Variants in RBFOX1 observed in about 807,000 individuals in gnomAD.
RBFOX1 encodes RNA binding protein fox-1 homolog 1.
RBFOX1 carries 8 observed loss-of-function variants against 57.7 expected under a neutral mutation model. The ratio of observed to expected loss-of-function variants is 0.14; its 90% CI spans 0.08 to 0.25. RBFOX1 has a LOEUF of 0.25. RBFOX1 is among the 10% of genes least tolerant of loss of function. The pLI is 1.00. For missense variants in RBFOX1, 611 were observed against 548.5 expected, an observed-to-expected ratio of 1.11 and a Z score of -1.14; for synonymous variants, 326 against 222.4, an observed-to-expected ratio of 1.47 and a Z score of -4.15.
intron 3 of RBFOX1, among the ~76,000 whole-genome samples, chr16:6,707,601 A>C (rs1203236345): frequency 1.3e-5 from 2 of 151,442 alleles, no homozygotes; most frequent in Non-Finnish European, 2.9e-5. Context: ...CAATGGACAT[A>C]CTGAATTGAA....
intron 4 of RBFOX1, among the ~76,000 whole-genome samples, chr16:7,456,296 C>G (rs546352088): frequency 3.9e-5 from 6 of 152,332 alleles, no homozygotes; most frequent in East Asian, 1.9e-4. Context: ...CAGAAGGTAC[C>G]TGGTTCATTC....
intron 3 of RBFOX1, among the ~76,000 whole-genome samples, chr16:6,690,767 T>TC (rs2060096771): frequency 6.6e-6 from 1 of 151,138 alleles, no homozygotes; most frequent in Admixed American, 6.6e-5. Context: ...TCTTTTTTTT[T>TC]TTTTTTAACT....
At position 6,939,670 on chromosome 16, in the gene RBFOX1, C is replaced by G. The variant is rs140744369; in HGVS notation, c.-15-112387C>G. ...GCGATTACAGCCGTGTGCTACCATA[C>G]CCAGCTAATTTTTGTATCTTTGGTA... On this transcript the variant is annotated intron_variant, in intron 3 of 15. Transcript: ENST00000550418. Among the ~76,000 whole-genome samples the G allele has an allele frequency of 3.2e-3, 494 of 152,040 alleles. 3 individuals carry two copies. The highest frequency in any genetic ancestry group is 0.011 in the African/African-American group (464 of 41,476).
intron 3 of RBFOX1, chr16:6,775,771 C>A (rs1273284795): frequency 6.6e-6 from 1 of 152,142 alleles, no homozygotes; most frequent in Admixed American, 6.5e-5. Flanking sequence ...GAGGAAGGAA[C>A]AAGCATGTGA....
At chr16:7,307,225 T>C (rs1385948880) in intron 4 of RBFOX1, among the ~76,000 whole-genome samples, 1 of 152,244 alleles carries the variant, frequency 6.6e-6, no homozygotes, top group East Asian at 1.9e-4. Flanking sequence ...CCCTGAAGTA[T>C]ATTTTTCTGG....
At chr16:6,423,860 G>T (rs2093844889) in intron 2 of RBFOX1, among the ~76,000 whole-genome samples, 1 of 152,124 alleles carries the variant, frequency 6.6e-6, no homozygotes, top group African/African-American at 2.4e-5. Flanking sequence ...GATCCACCCT[G>T]AATCCTAGTA....
intron 3 of RBFOX1, among the ~76,000 whole-genome samples, chr16:5,846,736 G>A (rs2056766918): frequency 6.6e-6 from 1 of 152,178 alleles, no homozygotes; most frequent in African/African-American, 2.4e-5. Flanking sequence ...AGCCAAGAAT[G>A]CTCCACTTCA....
intron 3 of RBFOX1, among the ~76,000 whole-genome samples, chr16:6,866,539 C>CTTTTTTTTTTTTTTTTTTTT (rs1161474639): frequency 2.0e-5 from 1 of 49,084 alleles, no homozygotes; most frequent in Non-Finnish European, 3.6e-5. Flanking sequence ...TTCTTTCCTT[C>CTTTTTTTTTTTTTTTTTTTT]TATTTTTTTT....
rs554083969 is a variant in RBFOX1, at chr16:7,063,198, G to C, written c.27+11100G>C. Among the ~76,000 whole-genome samples the C allele has an allele frequency of 3.9e-5, 6 of 152,032 alleles. No homozygotes were observed. In the East Asian group the frequency reaches 9.7e-4, roughly 25 times the overall value. ...TACCTGAATTTGTACATCTTTTTGG[G>C]TCAGTTCTCAGTCATCAAGAGCAGG... On this transcript the variant is annotated intron_variant, in intron 4 of 15. Coordinates refer to ENST00000550418, the MANE Select transcript of RBFOX1 (RefSeq NM_018723.4).
chr16:6,131,401 A>G (rs888529764), intron 1 of RBFOX1, among the ~76,000 whole-genome samples: 2 of 151,970 alleles, frequency 1.3e-5, no homozygotes, highest in African/African-American at 4.9e-5. Flanking sequence ...GATAGAGACT[A>G]TGGCAGAAAA....
intron 1 of RBFOX1, among the ~76,000 whole-genome samples, chr16:6,025,298 T>C (rs1283591020): frequency 2.0e-5 from 3 of 152,222 alleles, no homozygotes; most frequent in Non-Finnish European, 1.5e-5. Context: ...TTAAACTCGA[T>C]TCCCCACCAC....
At position 5,939,801 on chromosome 16, in the gene RBFOX1, T is replaced by TC. The variant is rs1482473614; in HGVS notation, c.351+72467dup. ...AATTGAAATGTTTAAGGAGATTTTT[T>TC]CATAAAGCCACAGCCATACCCTGAC... On this transcript the variant is annotated intron_variant, in intron 4 of 19. Transcript: ENST00000641259. Among the ~76,000 whole-genome samples the TC allele has an allele frequency of 3.3e-5, 5 of 152,312 alleles. No individual in the cohort carries two copies. In the East Asian group the frequency reaches 9.7e-4, roughly 29 times the overall value.
intron 4 of RBFOX1, among the ~76,000 whole-genome samples, chr16:7,292,507 AAAAT>A (rs1334956315): frequency 5.4e-5 from 7 of 130,070 alleles, no homozygotes; most frequent in African/African-American, 8.2e-5. Context: ...TATTATATAT[AAAAT>A]ATATATAATA....
chr16:5,830,468 T>C (rs1034757338), intron 3 of RBFOX1, among the ~76,000 whole-genome samples: 3 of 151,670 alleles, frequency 2.0e-5, no homozygotes, highest in South Asian at 2.1e-4. Context: ...GGAAAGAGGA[T>C]TGTATAGAGG....
At chr16:7,505,242 C>CAAAAAAAAA (rs34767987) in intron 4 of RBFOX1, among the ~76,000 whole-genome samples, 198 of 114,046 alleles carry the variant, frequency 1.7e-3, no homozygotes, top group African/African-American at 5.6e-3. Flanking sequence ...AGTGATGGAC[C>CAAAAAAAAA]AAAAAAAAAA....
chr16:5,753,839 G>C (rs550052048), intron 3 of RBFOX1, among the ~76,000 whole-genome samples: 1 of 151,632 alleles, frequency 6.6e-6, no homozygotes. Flanking sequence ...GCTGTGTTGA[G>C]GATATAGAGT....
chr16:6,031,185 C>G (rs2095283551), intron 1 of RBFOX1, among the ~76,000 whole-genome samples: 1 of 152,090 alleles, frequency 6.6e-6, no homozygotes, highest in African/African-American at 2.4e-5. Context: ...TGAGAAGGGC[C>G]AAGCTGTGAC....
At chr16:5,750,146 G>T (rs1329049338) in intron 3 of RBFOX1, among the ~76,000 whole-genome samples, 2 of 152,282 alleles carry the variant, frequency 1.3e-5, no homozygotes, top group South Asian at 2.1e-4. Flanking sequence ...GACCCTGTTT[G>T]CCTGGGTATC....
intron 3 of RBFOX1, among the ~76,000 whole-genome samples, chr16:7,033,963 T>A (rs548022600): frequency 1.3e-5 from 2 of 152,308 alleles, no homozygotes; most frequent in East Asian, 3.9e-4. Context: ...AGCAAGACCC[T>A]GTCTAAAATG....
Sources: gnomAD v4.1 joint callset for allele counts (sites outside exome capture counted in the v4.1 genomes callset) on GRCh38, gnomAD v4.1.1 for gene constraint, MANE v1.5 for transcripts, NCBI Gene and HGNC (gene_info 2026-07-23, HGNC 2026-07-21) for gene names.